The following MYH9 variants were observed in gnomAD, a reference collection of about 807,000 sequenced individuals.
MYH9 encodes myosin-9.
A neutral mutation model predicts 241.9 loss-of-function variants in MYH9; 29 were observed. The ratio of observed to expected loss-of-function variants is 0.12; its 90% CI spans 0.09 to 0.16. MYH9 has a LOEUF of 0.16. MYH9 is among the 10% of genes least tolerant of loss of function. The pLI is 1.00. For missense variants in MYH9, 1,803 were observed against 2,595.5 expected (o/e 0.69, Z 6.63); for synonymous variants, 1,047 against 1,062.6 (o/e 0.99, Z 0.29).
Position 36,320,894 on chromosome 22 carries a change from G to T in MYH9, c.772C>A (p.Leu258Ile). 6.2e-7 allele frequency: 1 copy of T among 1,613,030 alleles called. No individual in the cohort carries two copies. The highest frequency in any genetic ancestry group is 8.5e-7 in the Non-Finnish European group (1 of 1,179,258). ...YIVGANIETY[L>I]LEKSRAIRQA... ...CGGATAGCACGAGATTTCTCCAAAAGATCTTTGCAAATATTAAGGAGCAAC... is the reference window on the plus strand; with the variant it reads ...CGGATAGCACGAGATTTCTCCAAAATATCTTTGCAAATATTAAGGAGCAAC... Residue 258 changes from leucine to isoleucine, a missense_variant and splice_region_variant, in exon 8 of 41, where the codon CTT becomes ATT. Physicochemically the swap from Leu to Ile is conservative, Grantham distance 5. This residue lies in a region of MYH9 where 222 missense variants were observed against 359.9 expected (regional missense o/e 0.62). Coordinates refer to ENST00000216181, the MANE Select transcript of MYH9 (RefSeq NM_002473.6). This position sits in a 1 kb window ranked among gnomAD's most constrained non-coding sequence, Gnocchi z 4.8.
At position 36,310,680 on chromosome 22, in the gene MYH9, C is replaced by G. The variant is rs117972405; in HGVS notation, c.1729-1284G>C. Among the ~76,000 whole-genome samples, 231 of 152,378 alleles carry G rather than the reference C, an allele frequency of 1.5e-3. 3 individuals carry two copies. In the East Asian group the frequency reaches 0.03, roughly 20 times the overall value. On this transcript the variant is annotated intron_variant, in intron 14 of 40. Transcript: ENST00000216181. ...GCTCAGACCCTCCCACCCAGGCCAA[C>G]ATCCTTGTCCTTTTAGCGGCCACAG...
intron 24 of MYH9, 184 bp from the exon 25 acceptor site, chr22:36,297,198 C>A: frequency 1.5e-6 from 1 of 660,610 alleles, no homozygotes; most frequent in African/African-American, 1.8e-5. Flanking sequence ...AACTGCTAGC[C>A]CCTGGCATGT....
chr22:36,366,772 A>G (rs2018017219), intron 1 of MYH9, among the ~76,000 whole-genome samples: 1 of 152,130 alleles, frequency 6.6e-6, no homozygotes, highest in Non-Finnish European at 1.5e-5. Context: ...CTAAAGGCTT[A>G]AATACAAGAA....
At chr22:36,371,861 A>C (rs1004548869) in intron 1 of MYH9, among the ~76,000 whole-genome samples, 1 of 151,786 alleles carries the variant, frequency 6.6e-6, no homozygotes, top group Non-Finnish European at 1.5e-5. Flanking sequence ...ACCTCTCAAC[A>C]TACCCCCTCA....
rs1557536 is a variant in MYH9 at position 36,316,765 on chromosome 22, C to G, written c.1228-96G>C. 0.64 allele frequency: 930,088 copies of G among 1,443,892 alleles called. 311,988 individuals are homozygous for G. Among genetic ancestry groups the G allele is most frequent in the Non-Finnish European group, 0.7 (734,672 of 1,045,252 alleles). The allele number at this position is 1,443,892 out of a possible 1,614,324, so 89.4% of individuals were successfully genotyped here. A position where few individuals can be genotyped will look rare whatever the true frequency, so the allele number is the denominator to read the frequency against. On this transcript the variant is annotated intron_variant, in intron 11 of 40. Transcript: ENST00000216181. ...GTAATTTCACTTTTAGAGTCCTCCC[C>G]CTAGAGGAACAGCCCTAAGTATGTG...
chr22:36,340,523 T>C (rs1245151519), intron 3 of MYH9, among the ~76,000 whole-genome samples: 2 of 151,596 alleles, frequency 1.3e-5, no homozygotes, highest in South Asian at 4.2e-4. Context: ...TAGCCGTGCA[T>C]GGTGGCACAA....
At chr22:36,316,418 G>T (rs1012884685) in intron 12 of MYH9, 99 bp downstream of exon 12, 65 of 1,570,122 alleles carry the variant, frequency 4.1e-5, no homozygotes, top group Non-Finnish European at 5.3e-5. Context: ...GGCCAACTCA[G>T]ATCGATGCAG....
At chr22:36,290,266 G>A (rs1405614730) in intron 31 of MYH9, among the ~76,000 whole-genome samples, 1 of 144,802 alleles carries the variant, frequency 6.9e-6, no homozygotes, top group African/African-American at 2.6e-5. Context: ...TCAGGAAGCT[G>A]ATGTGGGAGG....
Position 36,321,809 on chromosome 22 carries a change from G to T in MYH9, c.718C>A (p.Arg240Ser). ...TAGCCATTGACATCAAAGTTGATGC[G>T]AATGAATTTGCCCTAAGTAAGAAAG... ...DNSSRFGKFI[R>S]INFDVNGYIV... The change falls in exon 7 of 41, where the codon CGC becomes AGC. Residue 240 changes from arginine to serine, a missense_variant. Around this residue, in one of 11 missense-constraint regions of MYH9, gnomAD observed 222 missense variants for 359.9 expected, o/e 0.62. Coordinates refer to ENST00000216181, the MANE Select transcript of MYH9 (RefSeq NM_002473.6). The T allele has an allele frequency of 6.2e-7, 1 of 1,614,028 alleles. No homozygotes were observed. The highest frequency in any genetic ancestry group is 8.5e-7 in the Non-Finnish European group (1 of 1,179,882).
intron 14 of MYH9, among the ~76,000 whole-genome samples, chr22:36,311,308 T>G (rs934868401): frequency 1.3e-5 from 2 of 152,266 alleles, no homozygotes; most frequent in African/African-American, 4.8e-5. Flanking sequence ...CACCACTGAC[T>G]GACTGTGGCA....
At chr22:36,303,253 C>T (rs2016912610) in intron 19 of MYH9, among the ~76,000 whole-genome samples, 1 of 151,996 alleles carries the variant, frequency 6.6e-6, no homozygotes, top group African/African-American at 2.4e-5. Context: ...GTGCAGTGCC[C>T]ACAGCCGCTG....
chr22:36,321,164 T>G (rs2017244779), intron 7 of MYH9, among the ~76,000 whole-genome samples: 1 of 152,148 alleles, frequency 6.6e-6, no homozygotes, highest in Non-Finnish European at 1.5e-5. Flanking sequence ...AGGCTGGTCT[T>G]GAACTCCTGA....
At chr22:36,366,420 G>C (rs753756957) in intron 1 of MYH9, among the ~76,000 whole-genome samples, 82 of 152,084 alleles carry the variant, frequency 5.4e-4, no homozygotes, top group Non-Finnish European at 1.0e-3. Context: ...CTCCAGGCAA[G>C]TGAGACTCAG....
intron 6 of MYH9, 82 bp from the exon 7 acceptor site, chr22:36,321,903 G>A (rs559224288): frequency 2.1e-5 from 26 of 1,237,044 alleles, no homozygotes; most frequent in Admixed American, 6.8e-5. Context: ...ACAGCCCCCC[G>A]CCCCACCTCC....
chr22:36,338,196 C>T (rs2017528579), intron 3 of MYH9, among the ~76,000 whole-genome samples: 1 of 151,816 alleles, frequency 6.6e-6, no homozygotes, highest in African/African-American at 2.4e-5. Flanking sequence ...GACAGGGTTT[C>T]GCCATGTTGA....
chr22:36,300,269 C>CA lies in MYH9; in HGVS notation c.2839-6_2839-5insT. ...CTCCAGCTGCTCCTCAAGCTCCTGC[C>CA]GGGGGCCAGAGACACGGTAAGGACA... On this transcript the variant is annotated splice_region_variant and splice_polypyrimidine_tract_variant and intron_variant, in intron 22 of 40. Transcript: ENST00000216181. This position sits in a 1 kb window ranked among gnomAD's most constrained non-coding sequence, Gnocchi z 5.0. 1 of 1,612,580 alleles carries CA rather than the reference C, an allele frequency of 6.2e-7. No homozygotes were observed. The highest frequency in any genetic ancestry group is 2.2e-5 in the East Asian group (1 of 44,872).
rs530602001 is a variant in MYH9, at chr22:36,287,817, T to C, written c.4932+435A>G. On this transcript the variant is annotated intron_variant, in intron 34 of 40. Coordinates refer to ENST00000216181, the MANE Select transcript of MYH9 (RefSeq NM_002473.6). ...TGATATGGCGTATCAGAGCTGTTTT[T>C]ACGTGTTAATTATTCTTTAATTATT... 3.9e-5 allele frequency among the ~76,000 whole-genome samples: 6 copies of C among 152,358 alleles called. No homozygotes were observed. The South Asian group carries it at 1.2e-3, about 32-fold the overall frequency.
At chr22:36,284,986 C>T (rs1490086772) in intron 38 of MYH9, 135 bp downstream of exon 38, 2 of 794,494 alleles carry the variant, frequency 2.5e-6, no homozygotes, top group Non-Finnish European at 4.1e-6. Flanking sequence ...GGATGAGGGC[C>T]CCATCAGGAG....
At chr22:36,339,531 G>A (rs978692660) in intron 3 of MYH9, among the ~76,000 whole-genome samples, 5 of 152,090 alleles carry the variant, frequency 3.3e-5, no homozygotes, top group Admixed American at 6.5e-5. Flanking sequence ...CCAAAGACTC[G>A]GCCAAACTTG....
Sources: allele counts gnomAD v4.1 joint callset (sites outside exome capture counted in the v4.1 genomes callset), GRCh38; gene constraint gnomAD v4.1.1; regional missense constraint gnomAD v4.1.1; non-coding constraint Gnocchi (gnomAD v3.1); transcripts MANE v1.5; gene names NCBI Gene and HGNC (gene_info 2026-07-23, HGNC 2026-07-21).